Variants in DPY19L2 observed in about 807,000 individuals in gnomAD.
DPY19L2 encodes the protein probable C-mannosyltransferase DPY19L2.
Under a neutral mutation model 97.9 loss-of-function variants are expected in DPY19L2, and 34 were observed. That is an observed-to-expected ratio of 0.35 (90% confidence interval 0.26 to 0.46). The LOEUF is 0.46. Among genes scored for constraint, DPY19L2 ranks in the 20% least tolerant of loss-of-function variants. DPY19L2 has a pLI of 1.00. For synonymous variants in DPY19L2, 230 were observed against 307.9 expected (o/e 0.75, Z 2.65); for missense variants, 623 against 911.4 (o/e 0.68, Z 4.07).
intron 6 of DPY19L2, among the ~76,000 whole-genome samples, chr12:63,640,508 G>A (rs1246098824): frequency 4.6e-5 from 7 of 152,100 alleles, no homozygotes; most frequent in African/African-American, 9.7e-5. Context: ...GAATAGAAGC[G>A]GAATATCTAC....
intron 4 of DPY19L2, among the ~76,000 whole-genome samples, chr12:63,652,228 C>A (rs968168542): frequency 6.6e-6 from 1 of 152,070 alleles, no homozygotes; most frequent in African/African-American, 2.4e-5. Context: ...ATCAAAACCA[C>A]ACTAACCCAA....
intron 6 of DPY19L2, among the ~76,000 whole-genome samples, chr12:63,641,962 T>C (rs540736831): frequency 6.6e-6 from 1 of 152,294 alleles, no homozygotes; most frequent in South Asian, 2.1e-4. Flanking sequence ...AGATGTGAGT[T>C]GGTATTTCAC....
At chr12:63,565,297 T>C (rs1235896154) in intron 21 of DPY19L2, among the ~76,000 whole-genome samples, 1 of 152,114 alleles carries the variant, frequency 6.6e-6, no homozygotes, top group Non-Finnish European at 1.5e-5. Flanking sequence ...TTGGAGCTCG[T>C]AAGTCTAAAA....
chr12:63,602,832 T>C (rs571212091), intron 12 of DPY19L2, among the ~76,000 whole-genome samples: 1 of 152,220 alleles, frequency 6.6e-6, no homozygotes, highest in Admixed American at 6.5e-5. Flanking sequence ...TTTAAAGAAG[T>C]TGAAAATATG....
At chr12:63,628,804 G>C (rs1890055375) in intron 6 of DPY19L2, among the ~76,000 whole-genome samples, 1 of 150,992 alleles carries the variant, frequency 6.6e-6, no homozygotes, top group Non-Finnish European at 1.5e-5. Context: ...AGCATAACTG[G>C]GAGGCACCCC....
intron 9 of DPY19L2, among the ~76,000 whole-genome samples, chr12:63,620,862 G>A (rs1361704613): frequency 4.6e-5 from 7 of 152,072 alleles, no homozygotes; most frequent in Admixed American, 1.3e-4. Flanking sequence ...TATACACCAC[G>A]GAATACTATG....
Position 63,640,209 on chromosome 12 carries a change from G to C in DPY19L2, c.803+4194C>G, listed in dbSNP as rs11838328. On this transcript the variant is annotated intron_variant, in intron 6 of 21. Coordinates refer to ENST00000324472, the MANE Select transcript of DPY19L2 (RefSeq NM_173812.5). The stretch of plus-strand genomic sequence containing the variant: ...CACACCGGGGCCTGTCATGAGGTTG[G>C]GGGAAGAAGGAGGGATAGCATTAGG... Among the ~76,000 whole-genome samples the C allele has an allele frequency of 1.9e-3, 283 of 152,166 alleles. 2 individuals carry two copies. The highest frequency in any genetic ancestry group is 6.5e-3 in the African/African-American group (271 of 41,500).
chr12:63,649,159 T>C (rs73118636), intron 4 of DPY19L2, among the ~76,000 whole-genome samples: 7,145 of 152,072 alleles, frequency 0.047, 317 homozygotes, highest in East Asian at 0.13. Flanking sequence ...CATACCAGGA[T>C]TGCTGGAACA....
At chr12:63,596,613 G>A (rs1022904103) in intron 14 of DPY19L2, among the ~76,000 whole-genome samples, 3 of 152,146 alleles carry the variant, frequency 2.0e-5, no homozygotes, top group Non-Finnish European at 4.4e-5. Context: ...ACTGCCTCAT[G>A]GATAACTAGT....
At chr12:63,617,194 T>C (rs1411200952) in intron 11 of DPY19L2, 110 bp downstream of exon 11, 1 of 636,104 alleles carries the variant, frequency 1.6e-6, no homozygotes, top group East Asian at 3.0e-5. Context: ...TTTTGTCATG[T>C]TGAGTGATAA....
At chr12:63,662,803 T>C (rs1342658836) in intron 3 of DPY19L2, among the ~76,000 whole-genome samples, 1 of 152,204 alleles carries the variant, frequency 6.6e-6, no homozygotes, top group African/African-American at 2.4e-5. Flanking sequence ...GTCATACATA[T>C]GTTAATGTAT....
Position 63,562,558 on chromosome 12 carries a change from G to A in DPY19L2, c.2127-1896C>T, listed in dbSNP as rs2936228. On this transcript the variant is annotated intron_variant, in intron 21 of 21. Coordinates refer to ENST00000324472, the MANE Select transcript of DPY19L2 (RefSeq NM_173812.5). The stretch of plus-strand genomic sequence containing the variant: ...TAAATACAGTAGTTGTATGTTTAAC[G>A]TTTTACAAAATTGCTAAACTGTCTT... 3.3e-5 allele frequency among the ~76,000 whole-genome samples: 5 copies of A among 151,792 alleles called. No individual in the cohort carries two copies. The East Asian group carries it at 9.7e-4, about 29-fold the overall frequency.
At chr12:63,631,894 G>A (rs979379747) in intron 6 of DPY19L2, among the ~76,000 whole-genome samples, 2 of 152,104 alleles carry the variant, frequency 1.3e-5, no homozygotes, top group African/African-American at 4.8e-5. Flanking sequence ...TCCCTGGGAT[G>A]CAAGGCTAGT....
Position 63,663,034 on chromosome 12 carries a change from C to T in DPY19L2, c.450+724G>A, listed in dbSNP as rs199516279. On this transcript the variant is annotated intron_variant, in intron 3 of 21. Coordinates refer to ENST00000324472, the MANE Select transcript of DPY19L2 (RefSeq NM_173812.5). ...ATGTACTTAATGTCACTGAATCGTA[C>T]ACTTAAATGATAAACATTGAAATTT... Among the ~76,000 whole-genome samples, 38 of 152,182 alleles carry T rather than the reference C, an allele frequency of 2.5e-4. No individual in the cohort carries two copies. In the East Asian group the frequency reaches 5.2e-3, roughly 21 times the overall value.
chr12:63,604,071 A>T (rs569557628), intron 12 of DPY19L2, among the ~76,000 whole-genome samples: 2 of 152,296 alleles, frequency 1.3e-5, no homozygotes, highest in Non-Finnish European at 2.9e-5. Flanking sequence ...AAATTATCTT[A>T]ATTTTCATTG....
intron 16 of DPY19L2, among the ~76,000 whole-genome samples, chr12:63,587,660 A>G (rs147213834): frequency 1.3e-5 from 2 of 151,120 alleles, no homozygotes; most frequent in African/African-American, 2.4e-5. Context: ...GCAACCTCCA[A>G]CTCCTGGGTT....
intron 15 of DPY19L2, among the ~76,000 whole-genome samples, chr12:63,595,303 A>C (rs1415964264): frequency 6.6e-6 from 1 of 152,170 alleles, no homozygotes; most frequent in African/African-American, 2.4e-5. Context: ...AAATAATATA[A>C]ATAAAGATGG....
At chr12:63,661,163 C>G in intron 4 of DPY19L2, 181 bp downstream of exon 4, 1 of 477,008 alleles carries the variant, frequency 2.1e-6, no homozygotes, top group Non-Finnish European at 3.4e-6. Context: ...CATGAGAGAA[C>G]AGTTTCTGGG....
chr12:63,626,061 T>C (rs1016901901), intron 7 of DPY19L2, among the ~76,000 whole-genome samples: 3 of 149,040 alleles, frequency 2.0e-5, no homozygotes, highest in African/African-American at 7.4e-5. Context: ...TCCAGCTTCA[T>C]CATGTAGTAA....
Sources: allele counts gnomAD v4.1 joint callset (sites outside exome capture counted in the v4.1 genomes callset), GRCh38; gene constraint gnomAD v4.1.1; transcripts MANE v1.5; gene names NCBI Gene and HGNC (gene_info 2026-07-23, HGNC 2026-07-21).